TBC1D8B: variants seen among roughly 807,000 people sequenced by gnomAD.
The protein encoded by TBC1D8B is RP11-321G1.1.
TBC1D8B carries 75 observed loss-of-function variants against 82.9 expected under a neutral mutation model. That is an observed-to-expected ratio of 0.90 (90% confidence interval 0.75 to 1.10). The LOEUF is 1.10. Ranked by LOEUF, TBC1D8B falls within the 50% of genes least tolerant of loss-of-function variation. The pLI is 0.00. For synonymous variants in TBC1D8B, 276 were observed against 276.8 expected (o/e 1.00, Z 0.03); for missense variants, 794 against 796.9 (o/e 1.00, Z 0.04).
At chrX:106,809,757 A>G (rs1165197603) in intron 1 of TBC1D8B, among the ~76,000 whole-genome samples, 2 of 108,970 alleles carry the variant, frequency 1.8e-5, no homozygotes, top group African/African-American at 6.7e-5. Flanking sequence ...GGTGGCACAC[A>G]CCTGTAATCC....
intron 2 of TBC1D8B, among the ~76,000 whole-genome samples, chrX:106,819,909 CA>C (rs1931650488): frequency 9.1e-6 from 1 of 110,345 alleles, no homozygotes; most frequent in African/African-American, 3.3e-5. Context: ...TTCCTTATAC[CA>C]AAAGAATCAA....
intron 1 of TBC1D8B, among the ~76,000 whole-genome samples, chrX:106,817,791 G>T (rs1602408715): frequency 9.0e-6 from 1 of 111,212 alleles, no homozygotes; most frequent in African/African-American, 3.3e-5. Context: ...GGGGAAGTGG[G>T]TCTTGAAGAA....
intron 1 of TBC1D8B, among the ~76,000 whole-genome samples, chrX:106,807,871 G>A (rs751303132): frequency 3.0e-4 from 33 of 111,163 alleles, no homozygotes; most frequent in African/African-American, 5.6e-4. Flanking sequence ...TGGCCAACAC[G>A]TTGAAACCCC....
intron 12 of TBC1D8B, 107 bp downstream of exon 12, chrX:106,850,417 C>A (rs1027399213): frequency 3.5e-6 from 3 of 847,799 alleles, no homozygotes; most frequent in Admixed American, 4.2e-5. Flanking sequence ...TCAGTTTGTC[C>A]GAGATTACAA....
intron 7 of TBC1D8B, among the ~76,000 whole-genome samples, chrX:106,838,551 C>T (rs1469456153): frequency 1.8e-5 from 2 of 111,431 alleles, no homozygotes; most frequent in African/African-American, 6.5e-5. Context: ...TGTTCACAGC[C>T]CTGTACATGT....
In TBC1D8B at chrX:106,802,838, G is replaced by A. The variant is rs1451687268; in HGVS notation, c.-16G>A. 4 of 1,208,239 alleles carry A rather than the reference G, an allele frequency of 3.3e-6. No individual in the cohort carries two copies. In the African/African-American group the frequency reaches 5.3e-5, roughly 16 times the overall value. ...GGGCATCTAGGTCACTGCTCCCGGG[G>A]GGCACAAAGTTCGCGATGTGGCTGA... is the stretch of plus-strand genomic sequence containing the variant. On this transcript the variant is annotated 5_prime_UTR_variant, in exon 1 of 21. Coordinates refer to ENST00000357242, the MANE Select transcript of TBC1D8B (RefSeq NM_017752.3).
chrX:106,820,304 G>T (rs1000109217), intron 2 of TBC1D8B, among the ~76,000 whole-genome samples: 1 of 110,985 alleles, frequency 9.0e-6, no homozygotes, highest in Non-Finnish European at 1.9e-5. Flanking sequence ...CCTTGCTACA[G>T]AATTTCTAAC....
intron 7 of TBC1D8B, among the ~76,000 whole-genome samples, chrX:106,831,717 A>G (rs920777480): frequency 4.5e-5 from 5 of 111,926 alleles, no homozygotes; most frequent in Non-Finnish European, 7.5e-5. Context: ...TTTCAAAATG[A>G]GTTTACCATC....
At chrX:106,865,661 C>T in intron 15 of TBC1D8B, 34 bp downstream of exon 15, 2 of 1,121,514 alleles carry the variant, frequency 1.8e-6, no homozygotes, top group Non-Finnish European at 2.4e-6. Context: ...AAAAATAATG[C>T]TTTTTTTTAG....
intron 10 of TBC1D8B, among the ~76,000 whole-genome samples, chrX:106,846,936 G>A (rs1932469469): frequency 8.9e-6 from 1 of 112,177 alleles, no homozygotes; most frequent in Non-Finnish European, 1.9e-5. Context: ...CAATAAAGAT[G>A]ATTATAGTTA....
intron 9 of TBC1D8B, 101 bp from the exon 10 acceptor site, chrX:106,840,569 G>A (rs1932279971): frequency 1.3e-6 from 1 of 768,959 alleles, no homozygotes; most frequent in African/African-American, 2.1e-5. Flanking sequence ...TTAAGCATAA[G>A]GCTAAATATC....
chrX:106,815,404 A>G (rs1931513030), intron 1 of TBC1D8B: 2 of 110,736 alleles, frequency 1.8e-5, no homozygotes, highest in Admixed American at 1.9e-4. Flanking sequence ...CCATTGATCT[A>G]TATCTCTGTT....
In TBC1D8B at chrX:106,840,842, C is replaced by T. The variant is rs367982960; in HGVS notation, c.1677C>T (p.Leu559=). The change falls in exon 10 of 21, where the codon CTC becomes CTT. Residue 559 remains leucine, a synonymous_variant. Transcript: ENST00000357242. ...GCATATCTGCTCTGAGAAGGGTACT[C>T]ACAGCTTATGCATACAGGAATCCCA... The part of the protein sequence containing the change: ...DTGISALRRV[L]TAYAYRNPKI... 4.1e-6 allele frequency: 5 copies of T among 1,209,076 alleles called. No homozygotes were observed. Among genetic ancestry groups the T allele is most frequent in the South Asian group, 1.8e-5 (1 of 56,736 alleles).
intron 1 of TBC1D8B, chrX:106,815,861 C>T (rs955768130): frequency 1.1e-4 from 12 of 111,519 alleles, no homozygotes; most frequent in Admixed American, 5.7e-4. Context: ...AATTCAACAA[C>T]GCTTCATGCT....
intron 10 of TBC1D8B, among the ~76,000 whole-genome samples, chrX:106,844,465 G>C (rs1171034856): frequency 9.7e-6 from 1 of 103,019 alleles, no homozygotes; most frequent in Non-Finnish European, 1.9e-5. Context: ...AGATGATCAT[G>C]TTATTTTTTC....
At chrX:106,847,904 C>T (rs930705219) in intron 10 of TBC1D8B, among the ~76,000 whole-genome samples, 2 of 111,498 alleles carry the variant, frequency 1.8e-5, no homozygotes, top group Non-Finnish European at 1.9e-5. Flanking sequence ...AGGTTTTTCA[C>T]TCTTCGAAAT....
chrX:106,861,464 C>T (rs773110765), intron 14 of TBC1D8B, among the ~76,000 whole-genome samples: 1 of 111,945 alleles, frequency 8.9e-6, no homozygotes, highest in South Asian at 3.7e-4. Flanking sequence ...GAATCCTTTA[C>T]CATTATATAA....
At chrX:106,803,429 G>C (rs942636925) in intron 1 of TBC1D8B, among the ~76,000 whole-genome samples, 2 of 61,451 alleles carry the variant, frequency 3.3e-5, no homozygotes, top group African/African-American at 1.3e-4. Context: ...GTGGGTACGC[G>C]GGGATGGTGA....
intron 10 of TBC1D8B, among the ~76,000 whole-genome samples, chrX:106,842,326 T>C (rs1227418223): frequency 9.0e-6 from 1 of 110,817 alleles, no homozygotes; most frequent in African/African-American, 3.3e-5. Context: ...GCACTTAATA[T>C]TGACTTCTAA....
Sources: allele counts gnomAD v4.1 joint callset (sites outside exome capture counted in the v4.1 genomes callset), GRCh38; gene constraint gnomAD v4.1.1; transcripts MANE v1.5; gene names NCBI Gene and HGNC (gene_info 2026-07-23, HGNC 2026-07-21).